The following DMD variants were observed in gnomAD, a reference collection of about 807,000 sequenced individuals.
The protein encoded by DMD is mutant dystrophin.
A neutral mutation model predicts 330.1 loss-of-function variants in DMD; 63 were observed. The observed-to-expected ratio is 0.19, with a 90% CI of 0.16 to 0.24. DMD has a LOEUF of 0.24. Among genes scored for constraint, DMD ranks in the 10% least tolerant of loss-of-function variants. DMD has a pLI of 1.00. For synonymous variants in DMD, 1,223 were observed against 959.8 expected, an observed-to-expected ratio of 1.27 and a Z score of -5.07; for missense variants, 3,344 against 2,684.1, an observed-to-expected ratio of 1.25 and a Z score of -5.43.
At chrX:32,558,208 C>A (rs1453991328) in intron 16 of DMD, among the ~76,000 whole-genome samples, 1 of 111,157 alleles carries the variant, frequency 9.0e-6, no homozygotes, top group Admixed American at 9.6e-5. Context: ...TGTATGTTGT[C>A]TTCTGGATTC....
intron 41 of DMD, among the ~76,000 whole-genome samples, chrX:32,313,549 C>A (rs752282291): frequency 2.7e-5 from 3 of 111,075 alleles, no homozygotes; most frequent in Non-Finnish European, 5.7e-5. Flanking sequence ...AAGTCCTGGC[C>A]AGGGCAATCA....
chrX:32,789,671 A>G (rs775251023), intron 7 of DMD, among the ~76,000 whole-genome samples: 39 of 111,931 alleles, frequency 3.5e-4, no homozygotes, highest in Non-Finnish European at 7.0e-4. Context: ...AAAGCTCTCT[A>G]AGCCTCAGTT....
intron 57 of DMD, among the ~76,000 whole-genome samples, chrX:31,485,556 T>C (rs1487370852): frequency 9.0e-6 from 1 of 111,378 alleles, no homozygotes; most frequent in African/African-American, 3.3e-5. Flanking sequence ...ATCTAAATAA[T>C]GCCATAAATA....
chrX:33,009,946 G>A lies in DMD; in HGVS notation c.93+10193C>T, dbSNP rs200257380. ...TGTATACACATGTGTGTATATACACGTGTGTATGTGTATATACACATATGT... is the reference window on the plus strand; with the variant it reads ...TGTATACACATGTGTGTATATACACATGTGTATGTGTATATACACATATGT... On this transcript the variant is annotated intron_variant, in intron 2 of 78. Coordinates refer to ENST00000357033, the MANE Select transcript of DMD (RefSeq NM_004006.3). Among the ~76,000 whole-genome samples the A allele has an allele frequency of 1.7e-3, 45 of 26,788 alleles. 1 individual carries two copies. Among genetic ancestry groups the A allele is most frequent in the Middle Eastern group, 0.022 (1 of 45 alleles). The allele number at this position is 26,788 out of a possible 115,157, so 23.3% of individuals were successfully genotyped here. A position where few individuals can be genotyped will look rare whatever the true frequency, so the allele number is the denominator to read the frequency against.
intron 52 of DMD, among the ~76,000 whole-genome samples, chrX:31,681,800 G>A (rs1307607657): frequency 8.8e-6 from 1 of 113,108 alleles, no homozygotes; most frequent in Non-Finnish European, 1.9e-5. Flanking sequence ...ATAAGTTAAA[G>A]AAATACTTGA....
intron 43 of DMD, among the ~76,000 whole-genome samples, chrX:32,262,190 C>T (rs998197959): frequency 1.8e-5 from 2 of 111,723 alleles, no homozygotes; most frequent in African/African-American, 3.3e-5. Context: ...TGTAATCACA[C>T]GGAGATCATA....
chrX:32,950,267 G>T (rs1255276206), intron 2 of DMD, among the ~76,000 whole-genome samples: 1 of 111,200 alleles, frequency 9.0e-6, no homozygotes, highest in Non-Finnish European at 1.9e-5. Context: ...ACTGTTTTAA[G>T]CTCTTTACTT....
rs187280198 is a variant in DMD at position 32,435,577 on chromosome X, G to A, written c.4071+2664C>T. Among the ~76,000 whole-genome samples the A allele has an allele frequency of 1.6e-3, 181 of 110,240 alleles. 1 individual carries two copies. Among genetic ancestry groups the A allele is most frequent in the Non-Finnish European group, 2.5e-3 (130 of 52,804 alleles). ...GGGATTTGCCAGTTATCAATTTTTT[G>A]CCTTTCAACATGATCCTGTTTTTGA... On this transcript the variant is annotated intron_variant, in intron 29 of 78. Transcript: ENST00000357033.
intron 1 of DMD, among the ~76,000 whole-genome samples, chrX:33,033,875 T>A (rs184581092): frequency 8.9e-6 from 1 of 112,178 alleles, no homozygotes; most frequent in Admixed American, 9.4e-5. Flanking sequence ...TTTGAGGTTT[T>A]AAGGGAATTT....
chrX:33,078,567 G>A (rs777826237), intron 1 of DMD, among the ~76,000 whole-genome samples: 52 of 111,900 alleles, frequency 4.6e-4, no homozygotes, highest in Non-Finnish European at 8.1e-4. Flanking sequence ...AAAAGGATTA[G>A]CAATGTTTAA....
chrX:32,992,165 A>G (rs1471670701), intron 2 of DMD, among the ~76,000 whole-genome samples: 1 of 112,283 alleles, frequency 8.9e-6, no homozygotes, highest in East Asian at 2.8e-4. Flanking sequence ...TATTCTTTAA[A>G]AAGTAACATC....
intron 55 of DMD, among the ~76,000 whole-genome samples, chrX:31,569,953 G>A (rs778170938): frequency 7.3e-5 from 8 of 110,298 alleles, no homozygotes; most frequent in Non-Finnish European, 1.1e-4. Flanking sequence ...TCTTCTGTAC[G>A]CATGAGAGAT....
At chrX:32,543,107 T>C (rs2048639100) in intron 17 of DMD, among the ~76,000 whole-genome samples, 1 of 111,765 alleles carries the variant, frequency 8.9e-6, no homozygotes. Flanking sequence ...CTGGGAAAAA[T>C]ACATGCGATG....
intron 61 of DMD, among the ~76,000 whole-genome samples, chrX:31,341,891 G>GCGCGCACACACACACACACACA (rs374298104): frequency 2.0e-5 from 2 of 98,876 alleles, no homozygotes; most frequent in Admixed American, 1.1e-4. Flanking sequence ...GTGCGCGCGC[G>GCGCGCACACACACACACACACA]CACACACACA....
At chrX:33,292,434 A>G (rs2053525938) in intron 1 of DMD, among the ~76,000 whole-genome samples, 1 of 111,754 alleles carries the variant, frequency 8.9e-6, no homozygotes, top group South Asian at 3.7e-4. Context: ...ACAGATATAC[A>G]TATTCGGAAG....
chrX:32,998,686 A>T (rs1320874350), intron 2 of DMD, among the ~76,000 whole-genome samples: 1 of 110,838 alleles, frequency 9.0e-6, no homozygotes, highest in Non-Finnish European at 1.9e-5. Flanking sequence ...ATATATTCTA[A>T]TTGTTTTATT....
intron 1 of DMD, among the ~76,000 whole-genome samples, chrX:33,137,667 C>T (rs1431188191): frequency 3.6e-5 from 4 of 111,223 alleles, no homozygotes; most frequent in Non-Finnish European, 1.9e-5. Flanking sequence ...TCTAACAGTG[C>T]CTGTATATGG....
At chrX:32,262,666 A>G (rs73219294) in intron 43 of DMD, among the ~76,000 whole-genome samples, 10,826 of 110,808 alleles carry the variant, frequency 0.098, 583 homozygotes, top group Non-Finnish European at 0.14. Context: ...TTCACCAATT[A>G]CAAATGAAGC....
intron 2 of DMD, among the ~76,000 whole-genome samples, chrX:32,996,489 C>T (rs754988106): frequency 1.1e-4 from 12 of 111,201 alleles, no homozygotes; most frequent in Non-Finnish European, 2.3e-4. Context: ...CTGTAGGAGA[C>T]CGAAATATGC....
Sources: allele counts gnomAD v4.1 joint callset (sites outside exome capture counted in the v4.1 genomes callset), GRCh38; gene constraint gnomAD v4.1.1; transcripts MANE v1.5; gene names NCBI Gene and HGNC (gene_info 2026-07-23, HGNC 2026-07-21).